SPIDR: variants seen among roughly 807,000 people sequenced by gnomAD.
The protein encoded by SPIDR is DNA repair-scaffolding protein.
SPIDR carries 93 observed loss-of-function variants against 104.6 expected under a neutral mutation model. The ratio of observed to expected loss-of-function variants is 0.89; its 90% CI spans 0.75 to 1.06. The LOEUF is 1.06. SPIDR is among the 50% of genes least tolerant of loss of function. The probability of loss-of-function intolerance (pLI) is 0.00; values close to 1 mark genes in which losing one functional copy is unlikely to be tolerated. For synonymous variants in SPIDR, 431 were observed against 416.9 expected (o/e 1.03, Z -0.41); for missense variants, 1,154 against 1,111.2 (o/e 1.04, Z -0.55).
intron 8 of SPIDR, among the ~76,000 whole-genome samples, chr8:47,521,205 C>T (rs2084021861): frequency 6.6e-6 from 1 of 152,182 alleles, no homozygotes. Flanking sequence ...TGAGGTCAAC[C>T]TCATTCAGTT....
intron 5 of SPIDR, among the ~76,000 whole-genome samples, chr8:47,386,669 T>C (rs1476786996): frequency 6.6e-6 from 1 of 152,168 alleles, no homozygotes; most frequent in African/African-American, 2.4e-5. Flanking sequence ...TATTTAGATA[T>C]AATGAGTAGT....
chr8:47,390,898 T>C (rs948629457), intron 5 of SPIDR, among the ~76,000 whole-genome samples: 3 of 152,172 alleles, frequency 2.0e-5, no homozygotes, highest in African/African-American at 7.2e-5. Context: ...GATTCTACAA[T>C]GTAGAAAGGA....
intron 5 of SPIDR, among the ~76,000 whole-genome samples, chr8:47,330,302 C>G (rs1483093935): frequency 6.6e-6 from 1 of 152,016 alleles, no homozygotes; most frequent in African/African-American, 2.4e-5. Context: ...TTCCTATTAT[C>G]AACATATCCC....
chr8:47,485,389 A>G (rs1374365799), intron 8 of SPIDR, among the ~76,000 whole-genome samples: 8 of 152,238 alleles, frequency 5.3e-5, no homozygotes, highest in African/African-American at 1.4e-4. Flanking sequence ...CGACAGCTCA[A>G]GGAGGCTTGC....
chr8:47,649,991 C>T (rs1300991595), intron 10 of SPIDR, among the ~76,000 whole-genome samples: 1 of 152,196 alleles, frequency 6.6e-6, no homozygotes, highest in African/African-American at 2.4e-5. Flanking sequence ...GACGAACCCA[C>T]AGCCAACATC....
At chr8:47,440,284 T>C in intron 7 of SPIDR, 39 bp from the exon 8 acceptor site, 1 of 1,570,946 alleles carries the variant, frequency 6.4e-7, no homozygotes, top group South Asian at 1.1e-5. Context: ...ATCTGTCTTT[T>C]GATTTCATTT....
At chr8:47,569,934 A>G (rs2058323425) in intron 8 of SPIDR, among the ~76,000 whole-genome samples, 1 of 152,226 alleles carries the variant, frequency 6.6e-6, no homozygotes, top group East Asian at 1.9e-4. Context: ...TAATAAAACA[A>G]GTGTAATACA....
At chr8:47,452,333 C>A (rs191053021) in intron 8 of SPIDR, among the ~76,000 whole-genome samples, 1 of 152,122 alleles carries the variant, frequency 6.6e-6, no homozygotes, top group East Asian at 1.9e-4. Flanking sequence ...TATTTAAAGA[C>A]CTGAAAGAAT....
intron 16 of SPIDR, among the ~76,000 whole-genome samples, chr8:47,723,203 T>A (rs1185022472): frequency 6.6e-6 from 1 of 152,172 alleles, no homozygotes; most frequent in African/African-American, 2.4e-5. Context: ...AGTTGGTTCT[T>A]GTTTTTTGTT....
chr8:47,505,019 G>A (rs541476744), intron 8 of SPIDR, among the ~76,000 whole-genome samples: 5 of 152,132 alleles, frequency 3.3e-5, no homozygotes, highest in East Asian at 3.9e-4. Flanking sequence ...GTACCCGGCC[G>A]TGTGAGGTGT....
intron 8 of SPIDR, among the ~76,000 whole-genome samples, chr8:47,479,180 A>G (rs1554725420): frequency 6.6e-6 from 1 of 152,004 alleles, no homozygotes; most frequent in African/African-American, 2.4e-5. Flanking sequence ...CCAACATGGT[A>G]AAACCCTGTC....
At chr8:47,450,547 G>C (rs555353375) in intron 8 of SPIDR, among the ~76,000 whole-genome samples, 1 of 152,118 alleles carries the variant, frequency 6.6e-6, no homozygotes, top group South Asian at 2.1e-4. Flanking sequence ...TTTGGAAAAG[G>C]CTCCTCAAAT....
chr8:47,322,439 CAG>C (rs2154263043), intron 5 of SPIDR, among the ~76,000 whole-genome samples: 1 of 152,286 alleles, frequency 6.6e-6, no homozygotes, highest in East Asian at 1.9e-4. Flanking sequence ...CAGGAAACAA[CAG>C]GTGCTGGAGA....
chr8:47,505,280 C>A (rs1407569506), intron 8 of SPIDR, among the ~76,000 whole-genome samples: 2 of 152,132 alleles, frequency 1.3e-5, no homozygotes, highest in Non-Finnish European at 2.9e-5. Flanking sequence ...GCGGTGGGCT[C>A]CACCCAGTTC....
chr8:47,355,107 C>T (rs1422493936), intron 5 of SPIDR, among the ~76,000 whole-genome samples: 2 of 152,016 alleles, frequency 1.3e-5, no homozygotes, highest in Non-Finnish European at 2.9e-5. Flanking sequence ...AGGCACCCGC[C>T]ACCACGCCTA....
chr8:47,499,684 A>T (rs971193779), intron 8 of SPIDR, among the ~76,000 whole-genome samples: 9 of 152,082 alleles, frequency 5.9e-5, no homozygotes, highest in African/African-American at 2.2e-4. Flanking sequence ...CATGTGCACA[A>T]CGTGCAGGTT....
rs1018149653 is a variant in SPIDR at position 47,626,438 on chromosome 8, A to G, written c.1544+27242A>G. Among the ~76,000 whole-genome samples, 14 of 152,250 alleles carry G rather than the reference A, an allele frequency of 9.2e-5. 1 individual carries two copies. Among genetic ancestry groups the G allele is most frequent in the Admixed American group, 9.2e-4 (14 of 15,282 alleles). On this transcript the variant is annotated intron_variant, in intron 10 of 19. Transcript: ENST00000297423. ...CTGCACAGCAAAAGAAACTACCATC[A>G]GAGTGAACAGGCAACCTACAGAACG... is the stretch of plus-strand genomic sequence containing the variant.
At chr8:47,450,564 C>T (rs782458558) in intron 8 of SPIDR, among the ~76,000 whole-genome samples, 3 of 152,274 alleles carry the variant, frequency 2.0e-5, no homozygotes, top group South Asian at 2.1e-4. Flanking sequence ...AAATGTGTAC[C>T]AGTTGTTGTA....
chr8:47,515,080 G>C (rs1258073766), intron 8 of SPIDR, among the ~76,000 whole-genome samples: 1 of 152,136 alleles, frequency 6.6e-6, no homozygotes, highest in Non-Finnish European at 1.5e-5. Context: ...GGCAGGGTAG[G>C]GGATGGAAAT....
Sources: allele counts gnomAD v4.1 joint callset (sites outside exome capture counted in the v4.1 genomes callset), GRCh38; gene constraint gnomAD v4.1.1; transcripts MANE v1.5; gene names NCBI Gene and HGNC (gene_info 2026-07-23, HGNC 2026-07-21).